PRKCE: variants seen among roughly 807,000 people sequenced by gnomAD.
PRKCE encodes the protein protein kinase C epsilon type.
In PRKCE, 16 loss-of-function variants were observed where a neutral mutation model predicts 85.4. That is an observed-to-expected ratio of 0.19 (90% CI 0.13 to 0.28). PRKCE has a LOEUF of 0.28. PRKCE is among the 10% of genes least tolerant of loss of function. The pLI, the probability that PRKCE is intolerant of heterozygous loss-of-function variation, is 1.00. For synonymous variants in PRKCE, 388 were observed against 371.5 expected, an observed-to-expected ratio of 1.04 and a Z score of -0.51; for missense variants, 573 against 975.2, an observed-to-expected ratio of 0.59 and a Z score of 5.49.
chr2:46,018,131 G>C (rs1706323048), intron 10 of PRKCE, among the ~76,000 whole-genome samples: 1 of 152,184 alleles, frequency 6.6e-6, no homozygotes, highest in African/African-American at 2.4e-5. Flanking sequence ...CCTGTTTCTG[G>C]AAATGTTTCT....
At chr2:45,708,062 G>A (rs934847186) in intron 1 of PRKCE, among the ~76,000 whole-genome samples, 5 of 152,234 alleles carry the variant, frequency 3.3e-5, no homozygotes, top group Non-Finnish European at 7.3e-5. Flanking sequence ...TGCTGCACAT[G>A]TTTCCTGCCT....
chr2:45,693,349 C>T (rs922750298), intron 1 of PRKCE, among the ~76,000 whole-genome samples: 6 of 149,342 alleles, frequency 4.0e-5, no homozygotes, highest in Admixed American at 1.3e-4. Flanking sequence ...GTGAGAAACT[C>T]GAGATTAGCA....
In PRKCE at chr2:46,154,329, A is replaced by G. The variant is rs182260731; in HGVS notation, c.1920+3100A>G. On this transcript the variant is annotated intron_variant, in intron 13 of 14. Coordinates refer to ENST00000306156, the MANE Select transcript of PRKCE (RefSeq NM_005400.3). ...TTATTTAGGGATACTAGTTTATCCA[A>G]CTTTCCAAATTCAATGTGTGTTCTG... is the stretch of plus-strand genomic sequence containing the variant. Among the ~76,000 whole-genome samples the G allele has an allele frequency of 8.6e-4, 131 of 152,234 alleles. 1 individual carries two copies. Among genetic ancestry groups the G allele is most frequent in the African/African-American group, 3.1e-3 (130 of 41,538 alleles).
chr2:46,151,740 A>G (rs1676656044), intron 13 of PRKCE, among the ~76,000 whole-genome samples: 2 of 152,272 alleles, frequency 1.3e-5, no homozygotes, highest in Middle Eastern at 3.2e-3. Flanking sequence ...GATCTGGTAC[A>G]CTGGAAATTC....
chr2:45,974,715 A>G (rs1702328293), intron 2 of PRKCE, among the ~76,000 whole-genome samples: 1 of 152,170 alleles, frequency 6.6e-6, no homozygotes, highest in Non-Finnish European at 1.5e-5. Flanking sequence ...ACTTCAGGGA[A>G]CCTTACATTC....
intron 1 of PRKCE, among the ~76,000 whole-genome samples, chr2:45,720,684 A>G (rs1478387246): frequency 1.3e-5 from 2 of 152,178 alleles, no homozygotes; most frequent in Admixed American, 6.5e-5. Flanking sequence ...TCACCTAATT[A>G]TTCATGCAGG....
intron 10 of PRKCE, among the ~76,000 whole-genome samples, chr2:46,023,780 C>T (rs894763688): frequency 3.3e-5 from 5 of 152,072 alleles, no homozygotes; most frequent in African/African-American, 1.2e-4. Flanking sequence ...TGTGGTTTGT[C>T]TTTGGAGGCT....
intron 1 of PRKCE, among the ~76,000 whole-genome samples, chr2:45,718,747 G>C (rs1312507210): frequency 1.3e-5 from 2 of 152,150 alleles, no homozygotes; most frequent in African/African-American, 4.8e-5. Context: ...TATAGCTCTG[G>C]AGGCAAGCTC....
rs1675344728 is a variant in PRKCE, at chr2:46,139,898, G to A, written c.1593-5195G>A. Among the ~76,000 whole-genome samples the A allele has an allele frequency of 6.6e-6, 1 of 152,082 alleles. No homozygotes were observed. The highest frequency in any genetic ancestry group is 1.5e-5 in the Non-Finnish European group (1 of 68,020). Reference sequence around the variant, plus strand: ...TTCTAGTTCATGGCTGCGTAGCTATGTGCCTGGCTTAAAAAATAGAAAGTA... The same window carrying A: ...TTCTAGTTCATGGCTGCGTAGCTATATGCCTGGCTTAAAAAATAGAAAGTA... On this transcript the variant is annotated intron_variant, in intron 11 of 14. Transcript: ENST00000306156. This position sits in a 1 kb window ranked among gnomAD's most constrained non-coding sequence, Gnocchi z 5.2.
At chr2:45,773,901 C>T (rs1218065358) in intron 1 of PRKCE, among the ~76,000 whole-genome samples, 1 of 152,160 alleles carries the variant, frequency 6.6e-6, no homozygotes, top group Non-Finnish European at 1.5e-5. Flanking sequence ...GGCAGCTGCC[C>T]AAGGCTGCCC....
intron 10 of PRKCE, among the ~76,000 whole-genome samples, chr2:46,018,925 A>G (rs1344653295): frequency 6.6e-6 from 1 of 152,204 alleles, no homozygotes; most frequent in Non-Finnish European, 1.5e-5. Context: ...CTCCCAGCTG[A>G]TGTTAGCAGT....
intron 1 of PRKCE, among the ~76,000 whole-genome samples, chr2:45,785,093 G>C (rs1260185234): frequency 6.6e-6 from 1 of 152,098 alleles, no homozygotes; most frequent in African/African-American, 2.4e-5. Flanking sequence ...GAGGGCCTTA[G>C]CATGATATTA....
intron 1 of PRKCE, among the ~76,000 whole-genome samples, chr2:45,705,496 T>A (rs1679039774): frequency 6.6e-6 from 1 of 152,200 alleles, no homozygotes; most frequent in South Asian, 2.1e-4. Context: ...CTGCACCGCA[T>A]GCTCCAACCA....
Position 45,679,725 on chromosome 2 carries a change from T to G in PRKCE, c.348+27277T>G, listed in dbSNP as rs114769494. Among the ~76,000 whole-genome samples the G allele has an allele frequency of 2.9e-3, 438 of 152,186 alleles. 3 individuals carry two copies. Among genetic ancestry groups the G allele is most frequent in the African/African-American group, 0.01 (422 of 41,518 alleles). ...TGATGTCCACCAAGAACAGGGAGCC[T>G]GTAGTCTGCGGGTGTATGTGGGGCC... On this transcript the variant is annotated intron_variant, in intron 1 of 14. Transcript: ENST00000306156.
At chr2:46,148,166 A>G (rs979327775) in intron 12 of PRKCE, among the ~76,000 whole-genome samples, 2 of 152,132 alleles carry the variant, frequency 1.3e-5, no homozygotes, top group South Asian at 2.1e-4. Flanking sequence ...CCTGCTTCCC[A>G]GGAAGTGGCC....
At chr2:45,743,686 T>C (rs1257330278) in intron 1 of PRKCE, among the ~76,000 whole-genome samples, 11 of 152,224 alleles carry the variant, frequency 7.2e-5, no homozygotes, top group Admixed American at 7.2e-4. Flanking sequence ...GTGGGTATCT[T>C]TTCCCCCGAC....
chr2:45,987,793 A>T (rs1703458613), intron 6 of PRKCE, among the ~76,000 whole-genome samples: 1 of 152,188 alleles, frequency 6.6e-6, no homozygotes, highest in Non-Finnish European at 1.5e-5. Flanking sequence ...GGCCCTGGAA[A>T]ATTGCCTGCT....
At chr2:46,174,116 T>A (rs1047714845) in intron 14 of PRKCE, among the ~76,000 whole-genome samples, 2 of 152,228 alleles carry the variant, frequency 1.3e-5, no homozygotes, top group Non-Finnish European at 1.5e-5. Context: ...GAAGCAACTT[T>A]CCCTCAGAAG....
At position 46,068,857 on chromosome 2, in the gene PRKCE, A is replaced by G. The variant is rs896929133; in HGVS notation, c.1438-17351A>G. ...TGTGAGATACCAGATTGAAATTTAG[A>G]TTACCACCAGACGACAGGAGCTGTG... On this transcript the variant is annotated intron_variant, in intron 10 of 14. Transcript: ENST00000306156. This position sits in a 1 kb window ranked among gnomAD's most constrained non-coding sequence, Gnocchi z 4.3. Among the ~76,000 whole-genome samples the G allele has an allele frequency of 6.6e-6, 1 of 152,220 alleles. No individual in the cohort carries two copies. The highest frequency in any genetic ancestry group is 2.4e-5 in the African/African-American group (1 of 41,464).
Sources: allele counts gnomAD v4.1 joint callset (sites outside exome capture counted in the v4.1 genomes callset), GRCh38; gene constraint gnomAD v4.1.1; non-coding constraint Gnocchi (gnomAD v3.1); transcripts MANE v1.5; gene names NCBI Gene and HGNC (gene_info 2026-07-23, HGNC 2026-07-21).